ANOS1: variants seen among roughly 807,000 people sequenced by gnomAD.
ANOS1 encodes anosmin-1.
A neutral mutation model predicts 59.0 loss-of-function variants in ANOS1; 6 were observed. That is an observed-to-expected ratio of 0.10 (90% confidence interval 0.06 to 0.20). ANOS1 has a LOEUF of 0.20. Ranked by LOEUF, ANOS1 falls within the 10% of genes least tolerant of loss-of-function variation. The pLI is 1.00. For synonymous variants in ANOS1, 217 were observed against 223.4 expected, an observed-to-expected ratio of 0.97 and a Z score of 0.25; for missense variants, 433 against 542.3, an observed-to-expected ratio of 0.80 and a Z score of 2.00.
At chrX:8,584,849 A>C (rs757499885) in intron 6 of ANOS1, among the ~76,000 whole-genome samples, 2 of 112,142 alleles carry the variant, frequency 1.8e-5, no homozygotes, top group African/African-American at 6.5e-5. Flanking sequence ...GATGTTATGA[A>C]GCAAACGTAG....
At position 8,699,871 on chromosome X, in the gene ANOS1, G is replaced by A. The variant is rs926927104; in HGVS notation, c.208-126C>T. On this transcript the variant is annotated intron_variant, in intron 1 of 13. Coordinates refer to ENST00000262648, the MANE Select transcript of ANOS1 (RefSeq NM_000216.4). The stretch of plus-strand genomic sequence containing the variant: ...TGCATTTTAACAAATACCCAATCTT[G>A]CAAAACCTGCTGTCCTTCCCTTCCA... 1.2e-5 allele frequency: 5 copies of A among 434,630 alleles called. No individual in the cohort carries two copies. In the East Asian group the frequency reaches 2.2e-4, roughly 19 times the overall value. The allele number at this position is 434,630 out of a possible 1,213,427, so 35.8% of individuals were successfully genotyped here. A position where few individuals can be genotyped will look rare whatever the true frequency, so the allele number is the denominator to read the frequency against.
At chrX:8,641,962 G>C (rs1025760041) in intron 2 of ANOS1, among the ~76,000 whole-genome samples, 3 of 111,175 alleles carry the variant, frequency 2.7e-5, no homozygotes, top group South Asian at 7.5e-4. Flanking sequence ...TGTAATTCTA[G>C]AGTAAATTAG....
At chrX:8,597,658 CTTTTTTTTTTTT>C (rs35836743) in intron 3 of ANOS1, among the ~76,000 whole-genome samples, 5 of 25,146 alleles carry the variant, frequency 2.0e-4, no homozygotes, top group African/African-American at 4.1e-4. Context: ...TTCTTTCTCC[CTTTTTTTTTTTT>C]TTTTTTTTTT....
rs760979435 is a variant in ANOS1 at position 8,660,999 on chromosome X, C to T, written c.256-37329G>A. Among the ~76,000 whole-genome samples the T allele has an allele frequency of 5.4e-5, 6 of 111,561 alleles. No individual in the cohort carries two copies. In the East Asian group the frequency reaches 1.7e-3, roughly 32 times the overall value. On this transcript the variant is annotated intron_variant, in intron 2 of 13. Transcript: ENST00000262648. Reference sequence around the variant, plus strand: ...TTTCTAGAAATGCCACAATAAAGTCCCATAGACTGGGCAGCCTAAACAACA... The same window carrying T: ...TTTCTAGAAATGCCACAATAAAGTCTCATAGACTGGGCAGCCTAAACAACA...
intron 2 of ANOS1, among the ~76,000 whole-genome samples, chrX:8,679,986 C>T (rs758120288): frequency 2.0e-3 from 219 of 109,101 alleles, no homozygotes; most frequent in Middle Eastern, 4.7e-3. Flanking sequence ...TGTGGTGAAA[C>T]CCCATCTCTA....
chrX:8,560,822 C>T (rs965597803), intron 8 of ANOS1, among the ~76,000 whole-genome samples: 40 of 112,201 alleles, frequency 3.6e-4, no homozygotes, highest in African/African-American at 1.3e-3. Flanking sequence ...CAAAAATTTC[C>T]TTAGGCCCCA....
chrX:8,647,117 A>G (rs1382589030), intron 2 of ANOS1, among the ~76,000 whole-genome samples: 1 of 109,786 alleles, frequency 9.1e-6, no homozygotes, highest in African/African-American at 3.3e-5. Flanking sequence ...CCTCCACGCT[A>G]CTGACATGCA....
chrX:8,633,151 A>G (rs754901990), intron 2 of ANOS1, among the ~76,000 whole-genome samples: 114 of 111,765 alleles, frequency 1.0e-3, no homozygotes, highest in African/African-American at 3.4e-3. Context: ...ACAGAGGATT[A>G]GCATGCCAGC....
chrX:8,548,634 G>C (rs1001855100), intron 9 of ANOS1, among the ~76,000 whole-genome samples: 5 of 112,457 alleles, frequency 4.4e-5, no homozygotes, highest in Non-Finnish European at 9.4e-5. Flanking sequence ...TGAGTAAGCA[G>C]TAACACTGTA....
chrX:8,712,085 G>A (rs73477313), intron 1 of ANOS1, among the ~76,000 whole-genome samples: 4,733 of 111,942 alleles, frequency 0.042, 256 homozygotes, highest in African/African-American at 0.15. Flanking sequence ...GAAATTTATT[G>A]TCTCTCGGTT....
chrX:8,598,031 C>T (rs1930774808), intron 3 of ANOS1, among the ~76,000 whole-genome samples: 1 of 111,652 alleles, frequency 9.0e-6, no homozygotes, highest in Non-Finnish European at 1.9e-5. Context: ...CTTTACAATT[C>T]TCACAATGGT....
At chrX:8,570,411 G>A in intron 7 of ANOS1, 88 bp downstream of exon 7, 1 of 772,910 alleles carries the variant, frequency 1.3e-6, no homozygotes. Context: ...GCATCTCTCA[G>A]TTTAGCAGAG....
At chrX:8,556,310 T>C (rs1569047692) in intron 8 of ANOS1, among the ~76,000 whole-genome samples, 1 of 111,799 alleles carries the variant, frequency 8.9e-6, no homozygotes, top group African/African-American at 3.3e-5. Context: ...CTATTCAACA[T>C]AGTATTGGAA....
At position 8,557,293 on chromosome X, in the gene ANOS1, G is replaced by A. The variant is rs1203426787; in HGVS notation, c.1208-3195C>T. Among the ~76,000 whole-genome samples, 4 of 111,946 alleles carry A rather than the reference G, an allele frequency of 3.6e-5. No homozygotes were observed. The East Asian group carries it at 1.1e-3, about 31-fold the overall frequency. On this transcript the variant is annotated intron_variant, in intron 8 of 13. Coordinates refer to ENST00000262648, the MANE Select transcript of ANOS1 (RefSeq NM_000216.4). Reference sequence around the variant, plus strand: ...AGACTTCATGACTAAAACACCAAAAGCAATTGCAACAAAAGCCAAAGTTGA... The same window carrying A: ...AGACTTCATGACTAAAACACCAAAAACAATTGCAACAAAAGCCAAAGTTGA...
chrX:8,685,967 G>A (rs192221857), intron 2 of ANOS1, among the ~76,000 whole-genome samples: 28 of 111,749 alleles, frequency 2.5e-4, no homozygotes, highest in African/African-American at 9.7e-5. Context: ...AAACAAAAGC[G>A]CCCCACCTTT....
chrX:8,588,077 T>C (rs1258429206), intron 4 of ANOS1, 99 bp from the exon 5 acceptor site: 2 of 788,781 alleles, frequency 2.5e-6, no homozygotes, highest in Admixed American at 2.6e-5. Flanking sequence ...TCTGATCTGA[T>C]GACAACTGAG....
rs1241135091 is a variant in ANOS1 at position 8,535,568 on chromosome X, A to G, written c.1842+23T>C. 2.7e-6 allele frequency: 3 copies of G among 1,124,726 alleles called. No individual in the cohort carries two copies. The Admixed American group carries it at 6.5e-5, about 25-fold the overall frequency. 92.7% of individuals were successfully genotyped at this position (1,124,726 alleles called of 1,213,427 possible). A position where few individuals can be genotyped will look rare whatever the true frequency, so the allele number is the denominator to read the frequency against. ...AGCAGTAGATACCAATGACACAGAC[A>G]TAGTACAAGAGGTGGGACCTACGGA... On this transcript the variant is annotated intron_variant, in intron 12 of 13. Coordinates refer to ENST00000262648, the MANE Select transcript of ANOS1 (RefSeq NM_000216.4).
chrX:8,691,146 T>C (rs1440433198), intron 2 of ANOS1, among the ~76,000 whole-genome samples: 3 of 107,078 alleles, frequency 2.8e-5, no homozygotes, highest in African/African-American at 1.0e-4. Context: ...CGATCTCAGC[T>C]CACTGTAACC....
At chrX:8,628,221 C>T (rs1931428782) in intron 2 of ANOS1, among the ~76,000 whole-genome samples, 2 of 111,779 alleles carry the variant, frequency 1.8e-5, no homozygotes, top group African/African-American at 6.5e-5. Context: ...TGGCAATGTC[C>T]AGAAGCTACC....
Sources: gnomAD v4.1 joint callset for allele counts (sites outside exome capture counted in the v4.1 genomes callset) on GRCh38, gnomAD v4.1.1 for gene constraint, MANE v1.5 for transcripts, NCBI Gene and HGNC (gene_info 2026-07-23, HGNC 2026-07-21) for gene names.